CNTN5: variants seen among roughly 807,000 people sequenced by gnomAD.
CNTN5 encodes contactin-5.
CNTN5 carries 77 observed loss-of-function variants against 129.1 expected under a neutral mutation model. That is an observed-to-expected ratio of 0.60 (90% CI 0.50 to 0.72). The LOEUF (loss-of-function observed/expected upper bound fraction) is 0.72, where lower values mean the gene tolerates loss of function less well. Among genes scored for constraint, CNTN5 ranks in the 30% least tolerant of loss-of-function variants. CNTN5 has a pLI of 0.00. For synonymous variants in CNTN5, 509 were observed against 465.6 expected, an observed-to-expected ratio of 1.09 and a Z score of -1.20; for missense variants, 1,478 against 1,328.8, an observed-to-expected ratio of 1.11 and a Z score of -1.75.
intron 3 of CNTN5, among the ~76,000 whole-genome samples, chr11:99,659,610 G>A (rs185429545): frequency 6.6e-6 from 1 of 152,096 alleles, no homozygotes; most frequent in Non-Finnish European, 1.5e-5. Flanking sequence ...TAGAGACCTA[G>A]GGAAAAGTTG....
At chr11:99,920,715 G>A (rs1949915801) in intron 7 of CNTN5, among the ~76,000 whole-genome samples, 1 of 152,158 alleles carries the variant, frequency 6.6e-6, no homozygotes, top group Non-Finnish European at 1.5e-5. Flanking sequence ...CATGGTGGAA[G>A]GGGCCAGACA....
chr11:100,229,210 A>C (rs200571255), intron 16 of CNTN5, among the ~76,000 whole-genome samples: 4 of 144,242 alleles, frequency 2.8e-5, no homozygotes, highest in African/African-American at 7.5e-5. Context: ...CACACACACA[A>C]AATATTTATT....
intron 2 of CNTN5, among the ~76,000 whole-genome samples, chr11:99,344,687 C>T (rs1283387300): frequency 1.3e-5 from 2 of 152,110 alleles, no homozygotes; most frequent in Non-Finnish European, 2.9e-5. Flanking sequence ...ATCAGTGAAG[C>T]TCGTGATCTC....
chr11:100,116,821 A>G (rs1018852814), intron 13 of CNTN5, among the ~76,000 whole-genome samples: 1 of 152,062 alleles, frequency 6.6e-6, no homozygotes, highest in Non-Finnish European at 1.5e-5. Flanking sequence ...AGTAAAATAA[A>G]AGATTTAAAC....
At chr11:99,801,176 T>C (rs1399093083) in intron 3 of CNTN5, among the ~76,000 whole-genome samples, 1 of 152,208 alleles carries the variant, frequency 6.6e-6, no homozygotes, top group South Asian at 2.1e-4. Flanking sequence ...GATTTTATTA[T>C]GTTTCATGTA....
At chr11:99,767,503 C>T (rs1410467748) in intron 3 of CNTN5, among the ~76,000 whole-genome samples, 1 of 151,966 alleles carries the variant, frequency 6.6e-6, no homozygotes, top group Non-Finnish European at 1.5e-5. Context: ...TTTCCTATAG[C>T]ATATGTGTTT....
At chr11:99,575,541 G>C (rs941440096) in intron 3 of CNTN5, among the ~76,000 whole-genome samples, 1 of 152,184 alleles carries the variant, frequency 6.6e-6, no homozygotes, top group Non-Finnish European at 1.5e-5. Context: ...GCTTCCTGTG[G>C]ATTTTGAGGG....
chr11:99,497,595 A>C (rs1046418204), intron 2 of CNTN5, among the ~76,000 whole-genome samples: 18 of 152,224 alleles, frequency 1.2e-4, no homozygotes, highest in African/African-American at 4.3e-4. Flanking sequence ...ACGAATAAAA[A>C]CAGAATATTC....
At chr11:99,398,683 A>G (rs1424943408) in intron 2 of CNTN5, among the ~76,000 whole-genome samples, 1 of 151,944 alleles carries the variant, frequency 6.6e-6, no homozygotes, top group Non-Finnish European at 1.5e-5. Flanking sequence ...AACACTTGAT[A>G]ATTCATTTAT....
At chr11:99,508,201 G>T (rs945171976) in intron 2 of CNTN5, among the ~76,000 whole-genome samples, 1 of 152,076 alleles carries the variant, frequency 6.6e-6, no homozygotes, top group Non-Finnish European at 1.5e-5. Context: ...GAGCCACTCC[G>T]TTGTAAAATG....
intron 9 of CNTN5, among the ~76,000 whole-genome samples, chr11:100,012,206 A>G (rs891993673): frequency 6.6e-6 from 1 of 152,138 alleles, no homozygotes. Flanking sequence ...TGCTTGCTTT[A>G]GTATGGTTGA....
In CNTN5 at chr11:99,654,230, G is replaced by T. The variant is rs1191998788; in HGVS notation, c.55+97961G>T. ...ATTAAAATAGCAGATGTCCACAGTAGCTGTGTGTATTAGAATTGTTTAATT... is the reference window on the plus strand; with the variant it reads ...ATTAAAATAGCAGATGTCCACAGTATCTGTGTGTATTAGAATTGTTTAATT... On this transcript the variant is annotated intron_variant, in intron 3 of 24. Transcript: ENST00000524871. Among the ~76,000 whole-genome samples, 7 of 151,576 alleles carry T rather than the reference G, an allele frequency of 4.6e-5. No individual in the cohort carries two copies. In the East Asian group the frequency reaches 1.2e-3, roughly 25 times the overall value.
chr11:100,166,898 G>A (rs1181193776), intron 13 of CNTN5, among the ~76,000 whole-genome samples: 1 of 151,754 alleles, frequency 6.6e-6, no homozygotes, highest in Non-Finnish European at 1.5e-5. Flanking sequence ...AGATACATTA[G>A]AAATCAACTA....
At chr11:99,611,836 C>T (rs1167091596) in intron 3 of CNTN5, among the ~76,000 whole-genome samples, 5 of 152,122 alleles carry the variant, frequency 3.3e-5, no homozygotes, top group African/African-American at 4.8e-5. Context: ...CAGTTTTATA[C>T]TTTTGGATAA....
chr11:99,432,023 T>C (rs1291719643), intron 2 of CNTN5, among the ~76,000 whole-genome samples: 1 of 152,160 alleles, frequency 6.6e-6, no homozygotes, highest in Admixed American at 6.6e-5. Flanking sequence ...TCCTCTCCAG[T>C]AAGTCCGCAC....
chr11:99,569,559 G>A (rs1949114004), intron 3 of CNTN5, among the ~76,000 whole-genome samples: 1 of 152,126 alleles, frequency 6.6e-6, no homozygotes, highest in Admixed American at 6.5e-5. Flanking sequence ...TGGTCCGCCT[G>A]CCTCGGCCTC....
chr11:99,797,567 G>T (rs192611996), intron 3 of CNTN5, among the ~76,000 whole-genome samples: 48 of 152,186 alleles, frequency 3.2e-4, no homozygotes, highest in Non-Finnish European at 4.4e-5. Flanking sequence ...TTGGCCACTT[G>T]TATGTCTTCT....
chr11:99,925,174 C>T (rs1950032585), intron 7 of CNTN5, among the ~76,000 whole-genome samples: 1 of 152,146 alleles, frequency 6.6e-6, no homozygotes, highest in African/African-American at 2.4e-5. Flanking sequence ...TATGCATATC[C>T]ATCAGGGGGA....
intron 6 of CNTN5, among the ~76,000 whole-genome samples, chr11:99,856,425 C>T (rs1336869613): frequency 6.6e-6 from 1 of 152,148 alleles, no homozygotes; most frequent in Non-Finnish European, 1.5e-5. Flanking sequence ...AGTGGACTTT[C>T]AATCTATTCT....
Sources: allele counts gnomAD v4.1 joint callset (sites outside exome capture counted in the v4.1 genomes callset), GRCh38; gene constraint gnomAD v4.1.1; transcripts MANE v1.5; gene names NCBI Gene and HGNC (gene_info 2026-07-23, HGNC 2026-07-21).